The following FBXO28 variants were observed in gnomAD, a reference collection of about 807,000 sequenced individuals.
FBXO28 encodes F-box protein 28, also known as F-box only protein 28.
FBXO28 carries 8 observed loss-of-function variants against 38.1 expected under a neutral mutation model. That is an observed-to-expected ratio of 0.21 (90% CI 0.12 to 0.38). FBXO28 has a LOEUF of 0.38. Among genes scored for constraint, FBXO28 ranks in the 10% least tolerant of loss-of-function variants. The pLI, the probability that FBXO28 is intolerant of heterozygous loss-of-function variation, is 1.00. For missense variants in FBXO28, 345 were observed against 460.6 expected (o/e 0.75, Z 2.30); for synonymous variants, 168 against 173.8 (o/e 0.97, Z 0.26).
chr1:224,135,217 T>G (rs983306466), intron 3 of FBXO28, among the ~76,000 whole-genome samples: 2 of 152,234 alleles, frequency 1.3e-5, no homozygotes, highest in East Asian at 1.9e-4. Flanking sequence ...GTGATTCTTA[T>G]GCCAGATTTT....
intron 1 of FBXO28, among the ~76,000 whole-genome samples, chr1:224,115,091 T>A (rs776985557): frequency 2.6e-5 from 4 of 152,222 alleles, no homozygotes; most frequent in Non-Finnish European, 4.4e-5. Context: ...TTTTTCTCTT[T>A]TGCAATTTAT....
intron 3 of FBXO28, among the ~76,000 whole-genome samples, chr1:224,136,106 T>TTTTTTTG (rs1553290095): frequency 1.6e-5 from 2 of 126,526 alleles, no homozygotes; most frequent in Admixed American, 8.1e-5. Context: ...CTTCAGTTTT[T>TTTTTTTG]TTTTTTTTTT....
rs553246678 is a variant in FBXO28, at chr1:224,157,057, G to T, written c.713-295G>T. On this transcript the variant is annotated intron_variant, in intron 4 of 4. Coordinates refer to ENST00000366862, the MANE Select transcript of FBXO28 (RefSeq NM_015176.4). ...TTTACTGCTTGTATTTTGTTACTAGGTTCTAAAAATATTGTACAGTATTTT... is the reference window on the plus strand; with the variant it reads ...TTTACTGCTTGTATTTTGTTACTAGTTTCTAAAAATATTGTACAGTATTTT... Among the ~76,000 whole-genome samples the T allele has an allele frequency of 4.3e-4, 66 of 151,988 alleles. No homozygotes were observed. In the South Asian group the frequency reaches 0.014, roughly 32 times the overall value.
chr1:224,155,488 T>G (rs1348818846), intron 4 of FBXO28, among the ~76,000 whole-genome samples: 4 of 152,208 alleles, frequency 2.6e-5, no homozygotes, highest in African/African-American at 9.6e-5. Context: ...AAAGGGTTCA[T>G]AAGGCTATTT....
chr1:224,147,940 ACT>A (rs1448082292), intron 3 of FBXO28, among the ~76,000 whole-genome samples: 1 of 152,014 alleles, frequency 6.6e-6, no homozygotes, highest in Admixed American at 6.6e-5. Flanking sequence ...GCCACTTAAA[ACT>A]CTGAATGGTA....
intron 4 of FBXO28, among the ~76,000 whole-genome samples, chr1:224,155,069 A>T (rs1375019412): frequency 6.6e-6 from 1 of 152,164 alleles, no homozygotes. Context: ...TTCATTTTTT[A>T]AAAAACAAAT....
rs1657810523 is a variant in FBXO28, at chr1:224,157,970, T to C, written c.*224T>C. 4 of 1,312,994 alleles carry C rather than the reference T, an allele frequency of 3.0e-6. No homozygotes were observed. Among genetic ancestry groups the C allele is most frequent in the Admixed American group, 3.7e-5 (1 of 27,188 alleles). The allele number at this position is 1,312,994 out of a possible 1,614,324, so 81.3% of individuals were successfully genotyped here. On this transcript the variant is annotated 3_prime_UTR_variant, in exon 5 of 5. Transcript: ENST00000366862. ...GCAATAGATTTGTACTAACCAGACC[T>C]GTTCTATCATGTTTTGAGGAGTTAA...
chr1:224,125,739 T>C (rs1237425714), intron 1 of FBXO28, among the ~76,000 whole-genome samples: 2 of 151,972 alleles, frequency 1.3e-5, no homozygotes, highest in East Asian at 3.9e-4. Flanking sequence ...CCTTCCGGGT[T>C]TAAGCGATTC....
chr1:224,130,017 G>A (rs1245565819), intron 1 of FBXO28, among the ~76,000 whole-genome samples: 4 of 150,088 alleles, frequency 2.7e-5, no homozygotes, highest in Non-Finnish European at 5.9e-5. Context: ...TACATGGTGT[G>A]AGAGATTCAC....
intron 1 of FBXO28, among the ~76,000 whole-genome samples, chr1:224,120,384 T>C (rs748806010): frequency 6.6e-6 from 1 of 152,240 alleles, no homozygotes; most frequent in African/African-American, 2.4e-5. Context: ...CTGAACTTTA[T>C]GTAGGTAATA....
rs532151512 is a variant in FBXO28 at position 224,154,295 on chromosome 1, G to A, written c.712+958G>A. Among the ~76,000 whole-genome samples the A allele has an allele frequency of 4.6e-5, 7 of 152,318 alleles. No homozygotes were observed. The East Asian group carries it at 9.6e-4, about 21-fold the overall frequency. On this transcript the variant is annotated intron_variant, in intron 4 of 4. Coordinates refer to ENST00000366862, the MANE Select transcript of FBXO28 (RefSeq NM_015176.4). ...ATTCATTTTCTATTGTACTGAAAGT[G>A]AAAAACGGAATGGTTCTGTGGATAC...
intron 1 of FBXO28, among the ~76,000 whole-genome samples, chr1:224,115,077 G>T (rs1185827155): frequency 6.6e-6 from 1 of 151,972 alleles, no homozygotes; most frequent in East Asian, 1.9e-4. Flanking sequence ...ACCCCTTGAC[G>T]GGTTTTTTCT....
intron 4 of FBXO28, among the ~76,000 whole-genome samples, chr1:224,156,172 C>T (rs1328874312): frequency 6.6e-6 from 1 of 152,138 alleles, no homozygotes; most frequent in Non-Finnish European, 1.5e-5. Flanking sequence ...CCATCTGGTT[C>T]TTTTAGAAAA....
At chr1:224,114,534 C>A in intron 1 of FBXO28, 138 bp downstream of exon 1, 1 of 694,826 alleles carries the variant, frequency 1.4e-6, no homozygotes, top group Non-Finnish European at 2.4e-6. Context: ...CGCTCCCGTC[C>A]CGAACTCTCC....
intron 1 of FBXO28, among the ~76,000 whole-genome samples, chr1:224,123,538 G>A (rs1656829278): frequency 1.3e-5 from 2 of 150,904 alleles, no homozygotes; most frequent in Admixed American, 6.6e-5. Context: ...TGAAATCAGT[G>A]CATCTTGATC....
At chr1:224,114,487 C>T (rs1656597048) in intron 1 of FBXO28, 91 bp downstream of exon 1, 1 of 1,129,884 alleles carries the variant, frequency 8.9e-7, no homozygotes, top group Non-Finnish European at 1.2e-6. Context: ...AGGGAGCCCC[C>T]CGCGAGCCCC....
chr1:224,152,925 C>CAAAAAAAAAAA (rs57616453), intron 3 of FBXO28, among the ~76,000 whole-genome samples: 13 of 64,908 alleles, frequency 2.0e-4, no homozygotes, highest in African/African-American at 7.8e-4. Context: ...AACTCTGTCT[C>CAAAAAAAAAAA]AAAAAAAAAA....
At chr1:224,151,600 T>G (rs1380448299) in intron 3 of FBXO28, among the ~76,000 whole-genome samples, 3 of 152,052 alleles carry the variant, frequency 2.0e-5, no homozygotes, top group Non-Finnish European at 4.4e-5. Context: ...TGATCCAGAG[T>G]TGGGAGCAAG....
intron 3 of FBXO28, 47 bp from the exon 4 acceptor site, chr1:224,153,095 A>G: frequency 2.0e-6 from 3 of 1,490,964 alleles, no homozygotes; most frequent in Non-Finnish European, 2.7e-6. Context: ...TATTTTCTTT[A>G]TTAAAAAAGA....
Sources: gnomAD v4.1 joint callset for allele counts (sites outside exome capture counted in the v4.1 genomes callset) on GRCh38, gnomAD v4.1.1 for gene constraint, MANE v1.5 for transcripts, NCBI Gene and HGNC (gene_info 2026-07-23, HGNC 2026-07-21) for gene names.